Variants in ARMH3 observed in about 807,000 individuals in gnomAD.
The protein encoded by ARMH3 is armadillo-like helical domain-containing protein 3.
In ARMH3, 60 loss-of-function variants were observed where a neutral mutation model predicts 99.1. The observed-to-expected ratio is 0.61, with a 90% CI of 0.49 to 0.75. The LOEUF (loss-of-function observed/expected upper bound fraction) is 0.75. ARMH3 is among the 30% of genes least tolerant of loss of function. The pLI is 0.00. For missense variants in ARMH3, 679 were observed against 843.1 expected (o/e 0.81, Z 2.41); for synonymous variants, 285 against 292.8 (o/e 0.97, Z 0.27).
At chr10:102,026,770 C>G (rs556660945) in intron 5 of ARMH3, among the ~76,000 whole-genome samples, 1 of 152,230 alleles carries the variant, frequency 6.6e-6, no homozygotes, top group South Asian at 2.1e-4. Flanking sequence ...GGATTTTAAG[C>G]AGGAAAGATG....
chr10:101,902,903 C>T (rs1049529999), intron 23 of ARMH3, among the ~76,000 whole-genome samples: 12 of 151,998 alleles, frequency 7.9e-5, no homozygotes, highest in African/African-American at 2.9e-4. Flanking sequence ...AGGGGAGAGT[C>T]GATGAGATTC....
At chr10:101,999,277 C>T (rs1245334248) in intron 15 of ARMH3, among the ~76,000 whole-genome samples, 4 of 151,956 alleles carry the variant, frequency 2.6e-5, no homozygotes, top group East Asian at 1.9e-4. Flanking sequence ...CTGCAACCTC[C>T]GCCTCCCGCA....
Position 102,006,531 on chromosome 10 carries a change from T to G in ARMH3, c.1048+9A>C. 6.2e-7 allele frequency: 1 copy of G among 1,611,198 alleles called. No individual in the cohort carries two copies. Among genetic ancestry groups the G allele is most frequent in the Non-Finnish European group, 8.5e-7 (1 of 1,177,432 alleles). On this transcript the variant is annotated intron_variant, in intron 14 of 25. Coordinates refer to ENST00000370033, the MANE Select transcript of ARMH3 (RefSeq NM_024541.3). ...TTAACCAAGAAAAACAAAGTGGTGG[T>G]GGGCTCACCATCAGAGGAAGGCGGT...
intron 16 of ARMH3, among the ~76,000 whole-genome samples, chr10:101,994,914 T>TA (rs1452836076): frequency 1.3e-5 from 2 of 152,154 alleles, no homozygotes; most frequent in Non-Finnish European, 2.9e-5. Flanking sequence ...GCACTGCCTG[T>TA]AATCCCAGCT....
At chr10:102,031,267 A>G (rs2067125518) in intron 4 of ARMH3, among the ~76,000 whole-genome samples, 1 of 152,198 alleles carries the variant, frequency 6.6e-6, no homozygotes, top group East Asian at 1.9e-4. Flanking sequence ...AGGAATGATA[A>G]TAATAGCATC....
chr10:102,013,350 CT>C (rs1288569990), intron 9 of ARMH3, among the ~76,000 whole-genome samples: 2 of 152,206 alleles, frequency 1.3e-5, no homozygotes, highest in Non-Finnish European at 2.9e-5. Context: ...GACTTATCAA[CT>C]TTCCCCCAGA....
At chr10:102,000,686 C>A (rs528454217) in intron 15 of ARMH3, among the ~76,000 whole-genome samples, 1 of 151,398 alleles carries the variant, frequency 6.6e-6, no homozygotes, top group Non-Finnish European at 1.5e-5. Context: ...GGGAGAATCA[C>A]CTGAGCCCAG....
chr10:102,035,394 TTCTCCCTCTCCCCACGG>T (rs1564871810), intron 2 of ARMH3, among the ~76,000 whole-genome samples: 1 of 151,990 alleles, frequency 6.6e-6, no homozygotes, highest in Non-Finnish European at 1.5e-5. Flanking sequence ...CCCTTCTCCC[TTCTCCCTCTCCCCACGG>T]TCTCCCTCTC....
intron 23 of ARMH3, among the ~76,000 whole-genome samples, chr10:101,919,920 G>C (rs1184719386): frequency 6.6e-6 from 1 of 152,028 alleles, no homozygotes; most frequent in African/African-American, 2.4e-5. Flanking sequence ...TGGCATTTTT[G>C]TTCAGTGTTT....
chr10:102,002,117 A>G (rs757667481), intron 14 of ARMH3, 45 bp from the exon 15 acceptor site: 1 of 1,606,176 alleles, frequency 6.2e-7, no homozygotes, highest in South Asian at 1.1e-5. Flanking sequence ...AACATATTCC[A>G]TCTAACACTT....
chr10:101,872,526 G>A (rs970958858), intron 24 of ARMH3, among the ~76,000 whole-genome samples: 24 of 151,480 alleles, frequency 1.6e-4, no homozygotes, highest in South Asian at 4.2e-4. Flanking sequence ...GTGAAAACCC[G>A]TCTCTACTAA....
intron 1 of ARMH3, among the ~76,000 whole-genome samples, chr10:102,044,177 T>G (rs1338133855): frequency 1.3e-5 from 2 of 148,332 alleles, no homozygotes; most frequent in Non-Finnish European, 3.0e-5. Context: ...CACTGCAAGC[T>G]CCGCCTCCTG....
At chr10:101,967,511 G>A (rs1479917492) in intron 20 of ARMH3, among the ~76,000 whole-genome samples, 3 of 152,176 alleles carry the variant, frequency 2.0e-5, no homozygotes, top group East Asian at 1.9e-4. Context: ...GGCCAAGGTA[G>A]GTGGATCACA....
chr10:102,015,145 A>C (rs950331717), intron 8 of ARMH3, among the ~76,000 whole-genome samples: 3 of 152,178 alleles, frequency 2.0e-5, no homozygotes, highest in African/African-American at 7.2e-5. Context: ...TCCATTTGTT[A>C]CTTGATCTGA....
At chr10:101,922,195 A>G (rs1193304891) in intron 23 of ARMH3, among the ~76,000 whole-genome samples, 4 of 152,214 alleles carry the variant, frequency 2.6e-5, no homozygotes, top group Non-Finnish European at 5.9e-5. Flanking sequence ...CAATATCTCA[A>G]TTAAAAAGGA....
chr10:101,921,747 G>A (rs932440194), intron 23 of ARMH3, among the ~76,000 whole-genome samples: 6 of 152,136 alleles, frequency 3.9e-5, no homozygotes, highest in African/African-American at 9.7e-5. Flanking sequence ...GACAAATTTC[G>A]CATGTTCTCA....
At chr10:101,967,169 T>G (rs1845576475) in intron 20 of ARMH3, among the ~76,000 whole-genome samples, 1 of 152,178 alleles carries the variant, frequency 6.6e-6, no homozygotes. Flanking sequence ...TTAGGAGAGA[T>G]GGATAATTTC....
intron 1 of ARMH3, among the ~76,000 whole-genome samples, chr10:102,045,051 T>C (rs925620819): frequency 6.7e-5 from 10 of 149,362 alleles, no homozygotes; most frequent in African/African-American, 2.5e-4. Flanking sequence ...CAGGAGGATG[T>C]CTTGAGCCCA....
At chr10:101,924,177 G>T (rs1014634594) in intron 23 of ARMH3, among the ~76,000 whole-genome samples, 2 of 152,178 alleles carry the variant, frequency 1.3e-5, no homozygotes, top group African/African-American at 2.4e-5. Context: ...AAGCTAGAAT[G>T]ATGGGCTGAA....
Sources: gnomAD v4.1 joint callset for allele counts (sites outside exome capture counted in the v4.1 genomes callset) on GRCh38, gnomAD v4.1.1 for gene constraint, MANE v1.5 for transcripts, NCBI Gene and HGNC (gene_info 2026-07-23, HGNC 2026-07-21) for gene names.